Variants in NFKBIZ observed in about 807,000 individuals in gnomAD.
NFKBIZ encodes the protein NF-kappa-B inhibitor zeta.
Under a neutral mutation model 76.8 loss-of-function variants are expected in NFKBIZ, and 19 were observed. The ratio of observed to expected loss-of-function variants is 0.25; its 90% confidence interval spans 0.17 to 0.36. The LOEUF (loss-of-function observed/expected upper bound fraction) is 0.36, where lower values mean the gene tolerates loss of function less well. Among genes scored for constraint, NFKBIZ ranks in the 10% least tolerant of loss-of-function variants. The probability of loss-of-function intolerance (pLI) is 1.00; values close to 1 mark genes in which losing one functional copy is unlikely to be tolerated. For synonymous variants in NFKBIZ, 368 were observed against 354.8 expected (o/e 1.04, Z -0.42); for missense variants, 829 against 910.9 (o/e 0.91, Z 1.16).
intron 2 of NFKBIZ, among the ~76,000 whole-genome samples, chr3:101,837,906 A>C (rs1252418138): frequency 1.3e-5 from 2 of 152,236 alleles, no homozygotes; most frequent in Non-Finnish European, 2.9e-5. Flanking sequence ...TCGACAAGAG[A>C]ACCTGTTTAC....
upstream of NFKBIZ, among the ~76,000 whole-genome samples, chr3:101,844,754 G>A (rs116083530): frequency 6.6e-6 from 1 of 152,216 alleles, no homozygotes; most frequent in African/African-American, 2.4e-5. Context: ...TTGTTGCAAA[G>A]TGGCAGTGCT....
chr3:101,842,671 A>G (rs1942802076), intron 2 of NFKBIZ, among the ~76,000 whole-genome samples: 1 of 144,964 alleles, frequency 6.9e-6, no homozygotes. Context: ...TTCTTCTTCC[A>G]GTGTGGCCCA....
intron 2 of NFKBIZ, among the ~76,000 whole-genome samples, chr3:101,834,318 C>G (rs557998410): frequency 6.6e-6 from 1 of 151,546 alleles, no homozygotes; most frequent in Admixed American, 6.6e-5. Context: ...ACCTCCTTCT[C>G]TCTCTCTCTC....
chr3:101,851,082 A>G (rs1475997422), intron 1 of NFKBIZ, among the ~76,000 whole-genome samples: 1 of 152,214 alleles, frequency 6.6e-6, no homozygotes, highest in Non-Finnish European at 1.5e-5. Context: ...AAAGCCAACT[A>G]ATGTTTCACT....
rs1469477437 is a variant in NFKBIZ, at chr3:101,856,259, C to T, written c.1824+357C>T. On this transcript the variant is annotated intron_variant, in intron 9 of 11. Transcript: ENST00000326172. ...TAGAGACGGGGTTTCACCATGTTAG[C>T]CAGGATGGTCTCGATCTCCTGACCT... Among the ~76,000 whole-genome samples the T allele has an allele frequency of 2.0e-5, 3 of 152,134 alleles. No homozygotes were observed. The East Asian group carries it at 5.8e-4, about 29-fold the overall frequency.
chr3:101,841,399 A>G (rs1473813824), intron 2 of NFKBIZ, among the ~76,000 whole-genome samples: 1 of 152,218 alleles, frequency 6.6e-6, no homozygotes. Context: ...TTTCTATTAC[A>G]TGGATACCAT....
At chr3:101,847,743 T>C (rs556896955), upstream of NFKBIZ, among the ~76,000 whole-genome samples, 1 of 152,200 alleles carries the variant, frequency 6.6e-6, no homozygotes, top group African/African-American at 2.4e-5. Context: ...GTACATGGAG[T>C]TCATTATTGA....
In NFKBIZ at chr3:101,857,066, T is replaced by G; in HGVS notation, c.1825-7T>G. ...TTTTTTTTTTCCTCCCTCTTGCCTT[T>G]GACAAGGATCGCAAAAGTGGCCGCA... On this transcript the variant is annotated splice_region_variant and splice_polypyrimidine_tract_variant and intron_variant, in intron 9 of 11. Transcript: ENST00000326172. 1.3e-6 allele frequency: 2 copies of G among 1,598,560 alleles called. No homozygotes were observed. The highest frequency in any genetic ancestry group is 1.7e-6 in the Non-Finnish European group (2 of 1,170,600).
In NFKBIZ at chr3:101,855,851, G is replaced by A; in HGVS notation, c.1773G>A (p.Leu591=). The A allele has an allele frequency of 6.2e-7, 1 of 1,613,548 alleles. No homozygotes were observed. Among genetic ancestry groups the A allele is most frequent in the South Asian group, 1.1e-5 (1 of 90,986 alleles). ...VQELLLKNKS[L]VDTIKCLIQM... ...AGCTTTTACTGAAGAATAAGAGTCTGGTTGATACCATTAAGTGCCTAATTC... is the reference window on the plus strand; with the variant it reads ...AGCTTTTACTGAAGAATAAGAGTCTAGTTGATACCATTAAGTGCCTAATTC... The change falls in exon 9 of 12, where the codon CTG becomes CTA. Residue 591 remains leucine (L), a synonymous_variant. Coordinates refer to ENST00000326172, the MANE Select transcript of NFKBIZ (RefSeq NM_031419.4).
intron 2 of NFKBIZ, among the ~76,000 whole-genome samples, chr3:101,840,493 A>G (rs770079821): frequency 6.6e-6 from 1 of 152,216 alleles, no homozygotes; most frequent in Admixed American, 6.5e-5. Flanking sequence ...ATGATTTTGT[A>G]TGAACCATAT....
chr3:101,842,592 CTTT>C (rs573749526), intron 2 of NFKBIZ, among the ~76,000 whole-genome samples: 5 of 130,328 alleles, frequency 3.8e-5, no homozygotes, highest in Non-Finnish European at 3.3e-5. Context: ...CTTTTCTTTT[CTTT>C]TTTTTTTTTT....
intron 11 of NFKBIZ, chr3:101,858,171 T>C (rs934891509): frequency 1.0e-6 from 1 of 985,262 alleles, no homozygotes; most frequent in Admixed American, 6.1e-5. Context: ...GGTAGGTCAT[T>C]ACATACTTTA....
At chr3:101,841,891 G>A (rs555684027) in intron 2 of NFKBIZ, among the ~76,000 whole-genome samples, 94 of 152,174 alleles carry the variant, frequency 6.2e-4, no homozygotes, top group African/African-American at 5.8e-4. Flanking sequence ...ATGTCTGTAC[G>A]GTATTGACAT....
intron 2 of NFKBIZ, among the ~76,000 whole-genome samples, chr3:101,838,623 C>T (rs748555552): frequency 2.6e-5 from 4 of 152,302 alleles, no homozygotes; most frequent in African/African-American, 4.8e-5. Context: ...GCCTGCAGGC[C>T]GTAGTTGCCA....
At chr3:101,837,776 T>G (rs972264706) in intron 2 of NFKBIZ, among the ~76,000 whole-genome samples, 1 of 152,140 alleles carries the variant, frequency 6.6e-6, no homozygotes, top group Non-Finnish European at 1.5e-5. Context: ...TGGAATGATG[T>G]AGGCTGATGG....
At chr3:101,858,982 G>T (rs1378471490) in intron 11 of NFKBIZ, among the ~76,000 whole-genome samples, 2 of 152,160 alleles carry the variant, frequency 1.3e-5, no homozygotes, top group African/African-American at 4.8e-5. Context: ...ACTGTCTTAT[G>T]TTAAATGTTC....
Position 101,858,234 on chromosome 3 carries a change from G to C in NFKBIZ, c.2103+775G>C. Reference sequence around the variant, plus strand: ...GCAGTTTAGCTTTTTCTTTGATTCTGAGCTGTCATTATGACCATAATGTTA... The same window carrying C: ...GCAGTTTAGCTTTTTCTTTGATTCTCAGCTGTCATTATGACCATAATGTTA... On this transcript the variant is annotated intron_variant, in intron 11 of 11. Transcript: ENST00000326172. 6.1e-6 allele frequency: 6 copies of C among 984,440 alleles called. No homozygotes were observed. The South Asian group carries it at 2.4e-4, about 39-fold the overall frequency. The allele number at this position is 984,440 out of a possible 1,614,324, so 61.0% of individuals were successfully genotyped here.
At chr3:101,850,140 G>T (rs1942930069) in intron 1 of NFKBIZ, 5 of 423,616 alleles carry the variant, frequency 1.2e-5, no homozygotes, top group South Asian at 1.4e-4. Context: ...CGGGCCTCGG[G>T]GGGGCTTCAG....
chr3:101,853,948 A>G, intron 5 of NFKBIZ, 85 bp downstream of exon 5: 17 of 1,299,108 alleles, frequency 1.3e-5, no homozygotes, highest in Non-Finnish European at 1.8e-5. Context: ...AGGGTATAAC[A>G]AGGTATACCT....
Sources: gnomAD v4.1 joint callset for allele counts (sites outside exome capture counted in the v4.1 genomes callset) on GRCh38, gnomAD v4.1.1 for gene constraint, MANE v1.5 for transcripts, NCBI Gene and HGNC (gene_info 2026-07-23, HGNC 2026-07-21) for gene names.